MCOLN2: variants seen among roughly 807,000 people sequenced by gnomAD.
MCOLN2 encodes the protein mucolipin-2.
In MCOLN2, 57 loss-of-function variants were observed where a neutral mutation model predicts 67.5. The ratio of observed to expected loss-of-function variants is 0.84; its 90% CI spans 0.68 to 1.05. The LOEUF (loss-of-function observed/expected upper bound fraction) is 1.05. Ranked by LOEUF, MCOLN2 falls within the 50% of genes least tolerant of loss-of-function variation. The pLI is 0.00. For missense variants in MCOLN2, 620 were observed against 678.8 expected, an observed-to-expected ratio of 0.91 and a Z score of 0.96; for synonymous variants, 246 against 233.3, an observed-to-expected ratio of 1.05 and a Z score of -0.50.
chr1:84,933,890 A>AT (rs1305343014), intron 11 of MCOLN2, among the ~76,000 whole-genome samples: 3 of 152,248 alleles, frequency 2.0e-5, no homozygotes, highest in Non-Finnish European at 4.4e-5. Flanking sequence ...CATGAGAATT[A>AT]TTTTAACACA....
chr1:84,959,546 C>G (rs1648967887), intron 2 of MCOLN2, among the ~76,000 whole-genome samples: 1 of 152,188 alleles, frequency 6.6e-6, no homozygotes, highest in African/African-American at 2.4e-5. Flanking sequence ...CATACCTCAT[C>G]ACACACGCAC....
intron 4 of MCOLN2, among the ~76,000 whole-genome samples, chr1:84,955,290 C>G (rs1648725467): frequency 6.6e-6 from 1 of 152,090 alleles, no homozygotes; most frequent in Non-Finnish European, 1.5e-5. Flanking sequence ...TCTTTATTAG[C>G]AGCATGAGAA....
rs368351131 is a variant in MCOLN2 at position 84,936,229 on chromosome 1, T to C, written c.1335+1526A>G. Among the ~76,000 whole-genome samples, 22 of 152,282 alleles carry C rather than the reference T, an allele frequency of 1.4e-4. 1 individual carries two copies. In the South Asian group the frequency reaches 2.9e-3, roughly 20 times the overall value. ...CCTAACAGACAGCACTTGAGAATGGTAGCCATCTAGTAAAATTCTAGCAAT... is the reference window on the plus strand; with the variant it reads ...CCTAACAGACAGCACTTGAGAATGGCAGCCATCTAGTAAAATTCTAGCAAT... On this transcript the variant is annotated intron_variant, in intron 11 of 13. Coordinates refer to ENST00000370608, the MANE Select transcript of MCOLN2 (RefSeq NM_153259.4).
intron 12 of MCOLN2, among the ~76,000 whole-genome samples, chr1:84,930,740 TTCAG>T (rs1661366195): frequency 6.6e-6 from 1 of 152,154 alleles, no homozygotes; most frequent in South Asian, 2.1e-4. Context: ...CCCCTGGTTT[TTCAG>T]TCACTGACCC....
chr1:84,982,445 T>A (rs116409109), intron 1 of MCOLN2, among the ~76,000 whole-genome samples: 2,078 of 152,322 alleles, frequency 0.014, 50 homozygotes, highest in African/African-American at 0.048. Context: ...GCCTGGCAAT[T>A]CATTTTTAAT....
chr1:84,986,899 G>A (rs1306233522), intron 1 of MCOLN2, among the ~76,000 whole-genome samples: 1 of 152,098 alleles, frequency 6.6e-6, no homozygotes, highest in Non-Finnish European at 1.5e-5. Context: ...CGGGGATGGG[G>A]TGAAAAGGCA....
intron 8 of MCOLN2, 139 bp from the exon 9 acceptor site, chr1:84,939,841 G>A (rs945959046): frequency 7.7e-6 from 6 of 780,134 alleles, no homozygotes; most frequent in East Asian, 2.6e-5. Context: ...CTCGAAAGTG[G>A]AGGTTACGGC....
chr1:84,973,961 G>A (rs1459639000), intron 1 of MCOLN2, among the ~76,000 whole-genome samples: 1 of 152,204 alleles, frequency 6.6e-6, no homozygotes, highest in Non-Finnish European at 1.5e-5. Context: ...TGGCCACCTG[G>A]TGCGCAGAGT....
chr1:84,929,672 T>C lies in MCOLN2; in HGVS notation c.1550A>G (p.Gln517Arg). The change falls in exon 13 of 14, where the codon CAA (glutamine) becomes CGA (arginine). Residue 517 changes from glutamine to arginine, a missense_variant. Transcript: ENST00000370608. ...TDSYDTIKKF[Q>R]QNGFPETDLQ... ...ATCCGTTTCAGGAAACCCATTCTGT[T>C]GGAATTTCTTTAGAAAGTACACAAT... 1.2e-6 allele frequency: 2 copies of C among 1,613,024 alleles called. No homozygotes were observed. Among genetic ancestry groups the C allele is most frequent in the East Asian group, 2.2e-5 (1 of 44,824 alleles).
chr1:84,991,420 A>G (rs1489722726), intron 1 of MCOLN2, among the ~76,000 whole-genome samples: 1 of 152,166 alleles, frequency 6.6e-6, no homozygotes, highest in African/African-American at 2.4e-5. Flanking sequence ...TAGTCTCACA[A>G]GAGAGGAAGA....
intron 1 of MCOLN2, among the ~76,000 whole-genome samples, chr1:84,989,364 A>G (rs942787453): frequency 2.0e-5 from 3 of 152,182 alleles, no homozygotes; most frequent in Non-Finnish European, 4.4e-5. Flanking sequence ...TTTAAAAGTA[A>G]GTCTTACTTA....
At chr1:84,989,094 A>G (rs1650757476) in intron 1 of MCOLN2, among the ~76,000 whole-genome samples, 3 of 152,084 alleles carry the variant, frequency 2.0e-5, no homozygotes, top group Middle Eastern at 3.2e-3. Flanking sequence ...TCTCCCCTAC[A>G]ATGGACTTCA....
At chr1:84,956,951 C>T (rs79213829) in intron 3 of MCOLN2, among the ~76,000 whole-genome samples, 5,549 of 152,204 alleles carry the variant, frequency 0.036, 200 homozygotes, top group East Asian at 0.2. Context: ...TTGCTGTTCC[C>T]TCTGCCTGGA....
intron 1 of MCOLN2, among the ~76,000 whole-genome samples, chr1:84,985,081 C>T (rs950901046): frequency 2.0e-5 from 3 of 151,548 alleles, no homozygotes; most frequent in African/African-American, 7.3e-5. Context: ...TCTACATGGT[C>T]ATATTATCAA....
At chr1:84,942,216 T>A (rs1331643989) in intron 7 of MCOLN2, among the ~76,000 whole-genome samples, 1 of 152,240 alleles carries the variant, frequency 6.6e-6, no homozygotes, top group African/African-American at 2.4e-5. Flanking sequence ...GGTTCTTGGT[T>A]ACTACACACA....
At chr1:84,978,533 C>A (rs1200989038) in intron 1 of MCOLN2, among the ~76,000 whole-genome samples, 3 of 152,022 alleles carry the variant, frequency 2.0e-5, no homozygotes, top group African/African-American at 7.2e-5. Context: ...GGAGACATTA[C>A]AACTGATACT....
intron 11 of MCOLN2, among the ~76,000 whole-genome samples, chr1:84,936,154 G>A (rs1647414302): frequency 6.6e-6 from 1 of 152,174 alleles, no homozygotes; most frequent in African/African-American, 2.4e-5. Flanking sequence ...ACAGAGAAGG[G>A]GAGGGAAGGG....
Position 84,940,934 on chromosome 1 carries a change from A to C in MCOLN2, c.905T>G (p.Leu302Trp). 6.2e-7 allele frequency: 1 copy of C among 1,613,938 alleles called. No individual in the cohort carries two copies. Residue 302 changes from leucine (L) to tryptophan (W), a missense_variant, in exon 8 of 14, where the codon TTG (leucine) becomes TGG (tryptophan). Leu to Trp is a moderately conservative substitution (Grantham distance 61). Transcript: ENST00000370608. ...TCTTGTACACAGAATAAGAGATGCC[A>C]AGCAAATCACAATGACAAATGCATC... Reference protein sequence around the residue: ...VFDAFVIVICLASLILCTRSI... With the variant: ...VFDAFVIVICWASLILCTRSI...
intron 7 of MCOLN2, among the ~76,000 whole-genome samples, chr1:84,943,948 A>T (rs866279431): frequency 9.2e-5 from 14 of 152,172 alleles, no homozygotes; most frequent in Middle Eastern, 3.4e-3. Context: ...ATAATGCAAG[A>T]TTTTTTTTCC....
Sources: gnomAD v4.1 joint callset for allele counts (sites outside exome capture counted in the v4.1 genomes callset) on GRCh38, gnomAD v4.1.1 for gene constraint, MANE v1.5 for transcripts, NCBI Gene and HGNC (gene_info 2026-07-23, HGNC 2026-07-21) for gene names.